Variants in TRAF3 observed in about 807,000 individuals in gnomAD.
TRAF3 encodes the protein TNF receptor-associated factor 3.
TRAF3 carries 13 observed loss-of-function variants against 62.3 expected under a neutral mutation model. That is an observed-to-expected ratio of 0.21 (90% CI 0.14 to 0.33). The LOEUF (loss-of-function observed/expected upper bound fraction) is 0.33, where lower values mean the gene tolerates loss of function less well. Among genes scored for constraint, TRAF3 ranks in the 10% least tolerant of loss-of-function variants. The pLI, the probability that TRAF3 is intolerant of heterozygous loss-of-function variation, is 1.00. For synonymous variants in TRAF3, 269 were observed against 283.4 expected (o/e 0.95, Z 0.51); for missense variants, 440 against 741.8 (o/e 0.59, Z 4.73).
At chr14:102,839,210 C>CCTTTTTTTTTTTTTTTTTTTTTTT (rs1310697452) in intron 2 of TRAF3, among the ~76,000 whole-genome samples, 1 of 89,836 alleles carries the variant, frequency 1.1e-5, no homozygotes, top group African/African-American at 4.4e-5. Context: ...GTTGATTTGC[C>CCTTTTTTTTTTTTTTTTTTTTTTT]TTTTTTTTTT....
Position 102,808,632 on chromosome 14 carries a change from A to G in TRAF3, c.-156-21702A>G, listed in dbSNP as rs186895927. ...TTAAGAGGATTTGTTGGAACAGAAAAACTTCCAAATTGGTCTAGAAGGTGG... is the reference window on the plus strand; with the variant it reads ...TTAAGAGGATTTGTTGGAACAGAAAGACTTCCAAATTGGTCTAGAAGGTGG... On this transcript the variant is annotated intron_variant, in intron 1 of 11. Coordinates refer to ENST00000392745, the MANE Select transcript of TRAF3 (RefSeq NM_145725.3). Among the ~76,000 whole-genome samples the G allele has an allele frequency of 1.6e-4, 24 of 152,304 alleles. 1 individual carries two copies. Among genetic ancestry groups the G allele is most frequent in the African/African-American group, 5.8e-4 (24 of 41,564 alleles).
rs1890423728 is a variant in TRAF3, at chr14:102,903,641, T to G, written c.1135+212T>G. On this transcript the variant is annotated intron_variant, in intron 11 of 11. Transcript: ENST00000392745. This position sits in a 1 kb window ranked among gnomAD's most constrained non-coding sequence, Gnocchi z 6.4. Reference sequence around the variant, plus strand: ...CCCGCGCAGGCTTGTCCCCTCCGTGTGAGGCCCTACATGGTGTAGAAAGTA... The same window carrying G: ...CCCGCGCAGGCTTGTCCCCTCCGTGGGAGGCCCTACATGGTGTAGAAAGTA... 2.7e-6 allele frequency: 2 copies of G among 739,172 alleles called. No individual in the cohort carries two copies. Among genetic ancestry groups the G allele is most frequent in the Non-Finnish European group, 4.7e-6 (2 of 428,322 alleles). The allele number at this position is 739,172 out of a possible 1,614,324, so 45.8% of individuals were successfully genotyped here.
chr14:102,779,333 G>A (rs559891333), intron 1 of TRAF3, among the ~76,000 whole-genome samples: 1 of 139,484 alleles, frequency 7.2e-6, no homozygotes, highest in South Asian at 2.2e-4. Flanking sequence ...CGAGGGGAAA[G>A]AAGACCAATT....
At chr14:102,777,981 C>T (rs1052869233) in intron 1 of TRAF3, among the ~76,000 whole-genome samples, 5 of 150,466 alleles carry the variant, frequency 3.3e-5, no homozygotes, top group African/African-American at 1.2e-4. Context: ...AAACGGGGCG[C>T]GCAGGCCTCG....
intron 1 of TRAF3, 70 bp downstream of exon 1, chr14:102,777,745 C>T (rs1408719208): frequency 6.9e-6 from 1 of 144,894 alleles, no homozygotes; most frequent in Non-Finnish European, 1.5e-5. Context: ...TCGCCTCCAT[C>T]CCGCGCCCTG....
intron 4 of TRAF3, among the ~76,000 whole-genome samples, chr14:102,873,339 G>A (rs1888451567): frequency 6.6e-6 from 1 of 152,208 alleles, no homozygotes; most frequent in Admixed American, 6.5e-5. Flanking sequence ...AGTTCCTTGA[G>A]TGAAAACAGC....
intron 8 of TRAF3, among the ~76,000 whole-genome samples, chr14:102,890,110 C>G (rs982046286): frequency 6.6e-6 from 1 of 152,184 alleles, no homozygotes; most frequent in African/African-American, 2.4e-5. Context: ...GGGGGACAGA[C>G]GCAAAATGGA....
chr14:102,812,918 CA>C lies in TRAF3; in HGVS notation c.-156-17404del, dbSNP rs879466223. On this transcript the variant is annotated intron_variant, in intron 1 of 11. Transcript: ENST00000392745. ...TGGGCGAAAGAGCGAGACTCCGTCT[CA>C]AAAAAAAAAAAGTTGCCTTTTCTCT... Among the ~76,000 whole-genome samples, 289 of 140,740 alleles carry C rather than the reference CA, an allele frequency of 2.1e-3. 2 individuals are homozygous for C. Among genetic ancestry groups the C allele is most frequent in the Middle Eastern group, 7.2e-3 (2 of 276 alleles). The allele number at this position is 140,740 out of a possible 152,430, so 92.3% of individuals were successfully genotyped here.
chr14:102,865,376 A>C (rs971459073), intron 2 of TRAF3, among the ~76,000 whole-genome samples: 1 of 152,126 alleles, frequency 6.6e-6, no homozygotes, highest in Non-Finnish European at 1.5e-5. Context: ...TGGCTCATTT[A>C]CTAGTCTTAC....
chr14:102,850,619 G>C (rs1886976050), intron 2 of TRAF3, among the ~76,000 whole-genome samples: 1 of 151,010 alleles, frequency 6.6e-6, no homozygotes, highest in African/African-American at 2.4e-5. Context: ...GTTTGAACCT[G>C]GGAGGCGTAG....
At chr14:102,804,717 C>A (rs989802772) in intron 1 of TRAF3, among the ~76,000 whole-genome samples, 1 of 152,112 alleles carries the variant, frequency 6.6e-6, no homozygotes, top group Non-Finnish European at 1.5e-5. Context: ...GAACTCCTGG[C>A]CTCAAGTAAT....
chr14:102,800,307 G>T (rs1461983324), intron 1 of TRAF3, among the ~76,000 whole-genome samples: 1 of 152,212 alleles, frequency 6.6e-6, no homozygotes, highest in Non-Finnish European at 1.5e-5. Flanking sequence ...CCCTGCCTCA[G>T]ACCTGCCGAC....
At chr14:102,787,698 C>T (rs1413240425) in intron 1 of TRAF3, among the ~76,000 whole-genome samples, 1 of 151,718 alleles carries the variant, frequency 6.6e-6, no homozygotes, top group Non-Finnish European at 1.5e-5. Context: ...ACAACAAAAA[C>T]AACAACAACA....
chr14:102,864,415 TG>T (rs1887863811), intron 2 of TRAF3, among the ~76,000 whole-genome samples: 1 of 152,196 alleles, frequency 6.6e-6, no homozygotes, highest in South Asian at 2.1e-4. Context: ...CCCAAAGTGC[TG>T]GGATTACAGG....
intron 2 of TRAF3, among the ~76,000 whole-genome samples, chr14:102,864,465 T>TA (rs947343068): frequency 7.9e-5 from 12 of 152,160 alleles, no homozygotes. Context: ...TGCCAGTTTT[T>TA]AAAATGTGTA....
At chr14:102,872,101 C>A in intron 4 of TRAF3, 133 bp downstream of exon 4, 1 of 904,398 alleles carries the variant, frequency 1.1e-6, no homozygotes, top group Non-Finnish European at 1.8e-6. Context: ...GGCTCCCAGG[C>A]AGGACACTGT....
intron 6 of TRAF3, among the ~76,000 whole-genome samples, chr14:102,882,543 T>C (rs1270132555): frequency 1.3e-5 from 2 of 150,938 alleles, no homozygotes; most frequent in African/African-American, 2.5e-5. Context: ...TTTTCAGTGA[T>C]GTGATTTAAT....
chr14:102,780,215 C>T (rs1411873080), intron 1 of TRAF3, among the ~76,000 whole-genome samples: 1 of 152,096 alleles, frequency 6.6e-6, no homozygotes, highest in African/African-American at 2.4e-5. Flanking sequence ...GAGGCCCAGA[C>T]GCCCGGGAGA....
intron 1 of TRAF3, among the ~76,000 whole-genome samples, chr14:102,806,491 G>T (rs994462864): frequency 2.6e-5 from 4 of 152,196 alleles, no homozygotes; most frequent in African/African-American, 9.6e-5. Flanking sequence ...TAATTTTCCA[G>T]CTGTGGTTCC....
Sources: allele counts gnomAD v4.1 joint callset (sites outside exome capture counted in the v4.1 genomes callset), GRCh38; gene constraint gnomAD v4.1.1; non-coding constraint Gnocchi (gnomAD v3.1); transcripts MANE v1.5; gene names NCBI Gene and HGNC (gene_info 2026-07-23, HGNC 2026-07-21).